TMX4: variants seen among roughly 807,000 people sequenced by gnomAD.
The protein encoded by TMX4 is thioredoxin-related transmembrane protein 4.
Under a neutral mutation model 33.3 loss-of-function variants are expected in TMX4, and 23 were observed. That is an observed-to-expected ratio of 0.69 (90% CI 0.50 to 0.98). The LOEUF (loss-of-function observed/expected upper bound fraction) is 0.98, where lower values mean the gene tolerates loss of function less well. TMX4 is among the 50% of genes least tolerant of loss of function. The probability of loss-of-function intolerance (pLI) is 0.00; values close to 1 mark genes in which losing one functional copy is unlikely to be tolerated. For missense variants in TMX4, 399 were observed against 448.9 expected (o/e 0.89, Z 1.01); for synonymous variants, 164 against 161.5 (o/e 1.02, Z -0.12).
intron 2 of TMX4, among the ~76,000 whole-genome samples, chr20:8,007,848 AT>A (rs1288583749): frequency 1.3e-5 from 2 of 152,158 alleles, no homozygotes; most frequent in Non-Finnish European, 2.9e-5. Flanking sequence ...AGCTCCAATC[AT>A]TTTGTACATT....
chr20:8,001,078 A>G (rs1257258883), intron 3 of TMX4, among the ~76,000 whole-genome samples: 1 of 152,124 alleles, frequency 6.6e-6, no homozygotes, highest in African/African-American at 2.4e-5. Context: ...CTCTGGCCTC[A>G]TCACTCAGCA....
rs2050604453 is a variant in TMX4, at chr20:7,981,233, C to G, written c.*1018G>C. The G allele has an allele frequency of 6.6e-6, 1 of 152,116 alleles. No homozygotes were observed. Among genetic ancestry groups the G allele is most frequent in the South Asian group, 2.1e-4 (1 of 4,824 alleles). 9.4% of individuals were successfully genotyped at this position (152,116 alleles called of 1,614,324 possible). ...CAAAAGCACATCACTGAAGGAAAATCAGAAGTGGTTTTTTAGTTATTATTA... is the reference window on the plus strand; with the variant it reads ...CAAAAGCACATCACTGAAGGAAAATGAGAAGTGGTTTTTTAGTTATTATTA... On this transcript the variant is annotated 3_prime_UTR_variant, in exon 8 of 8. Coordinates refer to ENST00000246024, the MANE Select transcript of TMX4 (RefSeq NM_021156.4).
Position 8,001,519 on chromosome 20 carries a change from G to A in TMX4, c.315C>T (p.Val105=). The change falls in exon 3 of 8, where the codon GTC becomes GTT. Residue 105 remains valine, a synonymous_variant. Transcript: ENST00000246024. ...ACTGAAAAAATGCTGGGAGAGTGGT[G>A]ACAAAGAAGCGGCCACTCAAACCTA... ...QEPGLSGRFF[V]TTLPAFFHAK... is the part of the protein sequence containing the mutation. The A allele has an allele frequency of 2.5e-6, 4 of 1,600,448 alleles. No individual in the cohort carries two copies. The South Asian group carries it at 3.4e-5, about 13-fold the overall frequency.
intron 4 of TMX4, among the ~76,000 whole-genome samples, chr20:7,999,131 A>G (rs1477869991): frequency 6.6e-6 from 1 of 152,188 alleles, no homozygotes; most frequent in Non-Finnish European, 1.5e-5. Context: ...CAGTAGGGAA[A>G]TTTCTTACAC....
At chr20:8,002,713 T>C (rs1442874571) in intron 2 of TMX4, among the ~76,000 whole-genome samples, 1 of 152,216 alleles carries the variant, frequency 6.6e-6, no homozygotes, top group African/African-American at 2.4e-5. Flanking sequence ...GCTTTACTTT[T>C]AATAACATGG....
chr20:7,997,924 T>C (rs200571605), intron 4 of TMX4, among the ~76,000 whole-genome samples: 1 of 152,208 alleles, frequency 6.6e-6, no homozygotes, highest in East Asian at 1.9e-4. Context: ...CACTTGGTGC[T>C]ATTCTCTTGA....
At position 7,987,298 on chromosome 20, in the gene TMX4, A is replaced by G. The variant is rs1234334796; in HGVS notation, c.605T>C (p.Phe202Ser). The G allele has an allele frequency of 2.5e-6, 4 of 1,588,314 alleles. No homozygotes were observed. Among genetic ancestry groups the G allele is most frequent in the Non-Finnish European group, 3.4e-6 (4 of 1,172,480 alleles). ...FVIATLVFGL[F>S]MGLVLVVISE... is the part of the protein sequence containing the mutation. Reference sequence around the variant, plus strand: ...GGTATTATCTCTTACCAGACCCATAAAAAGGCCAAAAACCAAGGTGGCTAT... The same window carrying G: ...GGTATTATCTCTTACCAGACCCATAGAAAGGCCAAAAACCAAGGTGGCTAT... Residue 202 changes from phenylalanine (F) to serine (S), a missense_variant, in exon 6 of 8, where the codon TTT (phenylalanine) becomes TCT (serine). By Grantham distance (155) the Phe-to-Ser change is radical (BLOSUM62 -2). Coordinates refer to ENST00000246024, the MANE Select transcript of TMX4 (RefSeq NM_021156.4).
At chr20:7,987,461 G>A in intron 5 of TMX4, 72 bp from the exon 6 acceptor site, 8 of 1,118,532 alleles carry the variant, frequency 7.2e-6, no homozygotes, top group South Asian at 6.7e-5. Context: ...TCTCTCTCTA[G>A]CTGTTGTTTC....
chr20:8,007,049 G>A (rs186633163), intron 2 of TMX4, among the ~76,000 whole-genome samples: 1 of 152,294 alleles, frequency 6.6e-6, no homozygotes, highest in East Asian at 1.9e-4. Context: ...TTACAGGCGT[G>A]AGCCACTGCA....
At chr20:8,007,711 A>C (rs1048136387) in intron 2 of TMX4, among the ~76,000 whole-genome samples, 2 of 152,172 alleles carry the variant, frequency 1.3e-5, no homozygotes, top group Non-Finnish European at 2.9e-5. Flanking sequence ...TCTGCCTGGA[A>C]TGCTCCTCCC....
intron 6 of TMX4, among the ~76,000 whole-genome samples, chr20:7,985,225 CTG>C (rs1210430572): frequency 6.2e-5 from 9 of 145,142 alleles, no homozygotes; most frequent in Non-Finnish European, 9.0e-5. Context: ...AAAAGGCATT[CTG>C]TGTGTGTGTG....
chr20:8,019,143 C>A, intron 1 of TMX4: 1 of 477,946 alleles, frequency 2.1e-6, no homozygotes, highest in South Asian at 2.0e-5. Flanking sequence ...AGCAAGGGGA[C>A]GCGCTGCACC....
chr20:7,979,232 AT>A lies in TMX4; in HGVS notation c.*3018del, dbSNP rs1241681732. The A allele has an allele frequency of 2.0e-5, 3 of 152,010 alleles. No homozygotes were observed. Among genetic ancestry groups the A allele is most frequent in the Admixed American group, 6.5e-5 (1 of 15,292 alleles). 9.4% of individuals were successfully genotyped at this position (152,010 alleles called of 1,614,324 possible). A position where few individuals can be genotyped will look rare whatever the true frequency, so the allele number is the denominator to read the frequency against. On this transcript the variant is annotated 3_prime_UTR_variant, in exon 8 of 8. Transcript: ENST00000246024. ...GTTGGCTTTTCTCCTTTAGTTTTATATTCATTAAGTATTGAAAACAAACCTA... is the reference window on the plus strand; with the variant it reads ...GTTGGCTTTTCTCCTTTAGTTTTATATCATTAAGTATTGAAAACAAACCTA...
chr20:8,004,597 G>A (rs550866969), intron 2 of TMX4, among the ~76,000 whole-genome samples: 1 of 152,116 alleles, frequency 6.6e-6, no homozygotes, highest in African/African-American at 2.4e-5. Flanking sequence ...TTTTAACACT[G>A]TATCAGAAAC....
At chr20:7,993,704 A>G (rs1181987194) in intron 5 of TMX4, among the ~76,000 whole-genome samples, 2 of 152,150 alleles carry the variant, frequency 1.3e-5, no homozygotes, top group African/African-American at 4.8e-5. Flanking sequence ...ATAAATCACA[A>G]AAGTTGGCAA....
intron 1 of TMX4, among the ~76,000 whole-genome samples, chr20:8,016,280 G>C (rs919357677): frequency 6.6e-6 from 1 of 152,168 alleles, no homozygotes; most frequent in Non-Finnish European, 1.5e-5. Context: ...GCTGAGGCAG[G>C]AGAATTGCTT....
At chr20:7,982,682 G>A in intron 7 of TMX4, 61 bp from the exon 8 acceptor site, 1 of 1,507,828 alleles carries the variant, frequency 6.6e-7, no homozygotes, top group Non-Finnish European at 8.9e-7. Flanking sequence ...GTAATCAATT[G>A]AGTGTGTTTA....
intron 6 of TMX4, 66 bp from the exon 7 acceptor site, chr20:7,983,923 T>C: frequency 8.2e-7 from 1 of 1,222,028 alleles, no homozygotes; most frequent in East Asian, 2.4e-5. Flanking sequence ...ACCTCAAAAT[T>C]AGGCCTTGCT....
intron 4 of TMX4, among the ~76,000 whole-genome samples, chr20:7,997,652 G>A (rs1404344855): frequency 6.6e-6 from 1 of 152,144 alleles, no homozygotes; most frequent in Non-Finnish European, 1.5e-5. Flanking sequence ...AATAAAAAAA[G>A]GATACAGGGG....
Sources: allele counts gnomAD v4.1 joint callset (sites outside exome capture counted in the v4.1 genomes callset), GRCh38; gene constraint gnomAD v4.1.1; transcripts MANE v1.5; gene names NCBI Gene and HGNC (gene_info 2026-07-23, HGNC 2026-07-21).